TRPM7: variants seen among roughly 807,000 people sequenced by gnomAD.
TRPM7 encodes the protein LTRPC ion channel family member 7.
In TRPM7, 134 loss-of-function variants were observed where a neutral mutation model predicts 229.7. The ratio of observed to expected loss-of-function variants is 0.58; its 90% CI spans 0.51 to 0.67. TRPM7 has a LOEUF of 0.67. Ranked by LOEUF, TRPM7 falls within the 30% of genes least tolerant of loss-of-function variation. TRPM7 has a pLI of 0.00. For missense variants in TRPM7, 1,901 were observed against 2,210.0 expected (o/e 0.86, Z 2.80); for synonymous variants, 699 against 715.2 (o/e 0.98, Z 0.36).
Position 50,592,223 on chromosome 15 carries a change from G to T in TRPM7, c.4012C>A (p.Pro1338Thr). Residue 1338 changes from proline (P) to threonine (T), a missense_variant, in exon 26 of 39, where the codon CCC becomes ACC. By Grantham distance (38) the Pro-to-Thr change is conservative. Coordinates refer to ENST00000646667, the MANE Select transcript of TRPM7 (RefSeq NM_017672.6). ...NIFGQDLPAV[P>T]QRKEFNFPEA... ...GGAAAATTAAATTCTTTTCTCTGGGGTACTGCAGGTAAGTCTTGACCAAAT... is the reference window on the plus strand; with the variant it reads ...GGAAAATTAAATTCTTTTCTCTGGGTTACTGCAGGTAAGTCTTGACCAAAT... 6.2e-7 allele frequency: 1 copy of T among 1,614,122 alleles called. No individual in the cohort carries two copies. The highest frequency in any genetic ancestry group is 1.3e-5 in the African/African-American group (1 of 75,040).
intron 1 of TRPM7, 52 bp downstream of exon 1, chr15:50,686,478 AC>A: frequency 6.2e-7 from 1 of 1,613,682 alleles, no homozygotes; most frequent in Non-Finnish European, 8.5e-7. Flanking sequence ...TCTCTCCTTT[AC>A]CGCCCGCAAC....
At position 50,592,222 on chromosome 15, in the gene TRPM7, G is replaced by C. The variant is rs775252588; in HGVS notation, c.4013C>G (p.Pro1338Arg). Residue 1338 changes from proline to arginine, a missense_variant, in exon 26 of 39, where the codon CCC becomes CGC. Pro to Arg is a moderately radical substitution (Grantham distance 103). This residue lies in a region of TRPM7 where 533 missense variants were observed against 497.1 expected (regional missense o/e 1.07). Coordinates refer to ENST00000646667, the MANE Select transcript of TRPM7 (RefSeq NM_017672.6). ...TGGAAAATTAAATTCTTTTCTCTGG[G>C]GTACTGCAGGTAAGTCTTGACCAAA... is the stretch of plus-strand genomic sequence containing the variant. Reference protein sequence around the residue: ...NIFGQDLPAVPQRKEFNFPEA... With the variant: ...NIFGQDLPAVRQRKEFNFPEA... 1 of 1,614,086 alleles carries C rather than the reference G, an allele frequency of 6.2e-7. No individual in the cohort carries two copies. The highest frequency in any genetic ancestry group is 1.1e-5 in the South Asian group (1 of 91,080).
In TRPM7 at chr15:50,574,735, TG is replaced by T. The variant is rs774865999; in HGVS notation, c.5020-17del. 11 of 1,607,646 alleles carry T rather than the reference TG, an allele frequency of 6.8e-6. 1 individual carries two copies. The highest frequency in any genetic ancestry group is 5.6e-5 in the South Asian group (5 of 89,642). On this transcript the variant is annotated splice_polypyrimidine_tract_variant and intron_variant, in intron 34 of 38. Transcript: ENST00000646667. ...GTTGAATTTCCTATAAAAGGGAGGG[TG>T]GGGAGAACCCTTGTTTAATATTTAA...
At chr15:50,593,061 C>A (rs936626683) in intron 25 of TRPM7, among the ~76,000 whole-genome samples, 1 of 151,988 alleles carries the variant, frequency 6.6e-6, no homozygotes, top group South Asian at 2.1e-4. Flanking sequence ...GAGGCTGAGG[C>A]GGGCAGATCA....
intron 31 of TRPM7, 178 bp downstream of exon 31, chr15:50,578,461 C>T (rs1214291404): frequency 2.1e-5 from 9 of 425,378 alleles, no homozygotes; most frequent in African/African-American, 8.1e-5. Context: ...CAGGGTGATT[C>T]GTGTGTTTGT....
At chr15:50,629,859 CTTTTT>C (rs33991422) in intron 10 of TRPM7, among the ~76,000 whole-genome samples, 4 of 106,514 alleles carry the variant, frequency 3.8e-5, no homozygotes, top group Admixed American at 1.3e-4. Flanking sequence ...TCTTTTTAAC[CTTTTT>C]TTTTTTTTTT....
At chr15:50,562,548 T>C (rs2053363898) in intron 38 of TRPM7, among the ~76,000 whole-genome samples, 1 of 151,970 alleles carries the variant, frequency 6.6e-6, no homozygotes, top group Non-Finnish European at 1.5e-5. Flanking sequence ...GGTGAGAGAA[T>C]CATTTGAGGT....
chr15:50,580,855 TAAGAAAA>T lies in TRPM7; in HGVS notation c.4592+12_4592+18del. ...ACTATGATACTTCGCAAGCTAATGG[TAAGAAAA>T]AGCTTACTTACATTTCTCTGTTTGA... On this transcript the variant is annotated intron_variant, in intron 30 of 38. Coordinates refer to ENST00000646667, the MANE Select transcript of TRPM7 (RefSeq NM_017672.6). 2 of 1,580,126 alleles carry T rather than the reference TAAGAAAA, an allele frequency of 1.3e-6. No individual in the cohort carries two copies. The highest frequency in any genetic ancestry group is 4.0e-5 in the Admixed American group (2 of 50,336).
At position 50,612,618 on chromosome 15, in the gene TRPM7, G is replaced by T. The variant is rs942716502; in HGVS notation, c.1982C>A (p.Ser661Ter). ...KALVACKIYR[S>*]MAYEAKQSDL... ...ACTCTGCTTTGCTTCATATGCCATT[G>T]AACGATAGATCTTACAGGCAACTAA... The change falls in exon 16 of 39, where the codon TCA becomes TAA. Residue 661 changes from serine to a stop codon, truncating the protein, a stop_gained. Transcript: ENST00000646667. LOFTEE classifies it high-confidence loss of function. 3 of 1,614,056 alleles carry T rather than the reference G, an allele frequency of 1.9e-6. No homozygotes were observed. The highest frequency in any genetic ancestry group is 2.5e-6 in the Non-Finnish European group (3 of 1,179,996).
chr15:50,679,119 G>A (rs1317755032), intron 1 of TRPM7, among the ~76,000 whole-genome samples: 4 of 149,708 alleles, frequency 2.7e-5, no homozygotes, highest in South Asian at 2.1e-4. Context: ...TGATCCACCC[G>A]CCTCAGCCTT....
chr15:50,638,563 A>G (rs1318398402), intron 6 of TRPM7, among the ~76,000 whole-genome samples: 1 of 151,684 alleles, frequency 6.6e-6, no homozygotes, highest in Admixed American at 6.6e-5. Flanking sequence ...AAAAAAAGAC[A>G]CTGTAAAAAA....
intron 13 of TRPM7, among the ~76,000 whole-genome samples, chr15:50,618,734 G>C (rs1443289779): frequency 6.6e-6 from 1 of 152,060 alleles, no homozygotes; most frequent in Non-Finnish European, 1.5e-5. Flanking sequence ...ACAGTGAATA[G>C]TGTACCCACA....
intron 7 of TRPM7, among the ~76,000 whole-genome samples, chr15:50,635,439 A>G (rs1216013609): frequency 2.0e-5 from 3 of 151,036 alleles, no homozygotes; most frequent in Non-Finnish European, 3.0e-5. Flanking sequence ...CAAGTCGGGC[A>G]GATCACGAGG....
intron 11 of TRPM7, among the ~76,000 whole-genome samples, chr15:50,626,924 G>T (rs2060577112): frequency 6.6e-6 from 1 of 151,588 alleles, no homozygotes. Flanking sequence ...AGTACATGTA[G>T]ATATGCATGA....
At chr15:50,643,983 G>A (rs373001204) in intron 4 of TRPM7, among the ~76,000 whole-genome samples, 23 of 152,306 alleles carry the variant, frequency 1.5e-4, no homozygotes, top group African/African-American at 5.3e-4. Flanking sequence ...CTCTTGCTAT[G>A]AAGAGAGGCA....
intron 3 of TRPM7, 57 bp from the exon 4 acceptor site, chr15:50,648,942 A>C (rs2140835693): frequency 7.1e-7 from 1 of 1,416,454 alleles, no homozygotes; most frequent in Non-Finnish European, 9.5e-7. Flanking sequence ...TAATGAAAAA[A>C]TGGAATTAAA....
At chr15:50,580,056 G>GA (rs1349000822) in intron 30 of TRPM7, among the ~76,000 whole-genome samples, 1 of 152,190 alleles carries the variant, frequency 6.6e-6, no homozygotes, top group African/African-American at 2.4e-5. Context: ...TCACAGGTGT[G>GA]AAGCACCATG....
chr15:50,668,504 GTTTTTGT>G (rs1363926623), intron 1 of TRPM7, among the ~76,000 whole-genome samples: 7 of 152,026 alleles, frequency 4.6e-5, no homozygotes, highest in African/African-American at 1.4e-4. Context: ...CAATAGATTT[GTTTTTGT>G]TTTTTGTTTT....
In TRPM7 at chr15:50,611,108, T is replaced by C. The variant is rs745615752; in HGVS notation, c.2265A>G (p.Lys755=). The C allele has an allele frequency of 1.4e-5, 23 of 1,612,866 alleles. No homozygotes were observed. The highest frequency in any genetic ancestry group is 3.3e-4 in the Middle Eastern group (2 of 6,078). ...DMWMGRLNMR[K]NSWYKVILSI... ...TAAAGTATACCTTGTACCAGGAATT[T>C]TTCCTCATATTCAGCCTTCCCATCC... Residue 755 remains lysine, a synonymous_variant, in exon 17 of 39, where the codon AAA becomes AAG. Transcript: ENST00000646667.
Sources: gnomAD v4.1 joint callset for allele counts (sites outside exome capture counted in the v4.1 genomes callset) on GRCh38, gnomAD v4.1.1 for gene constraint, gnomAD v4.1.1 regional missense constraint, MANE v1.5 for transcripts, NCBI Gene and HGNC (gene_info 2026-07-23, HGNC 2026-07-21) for gene names.